The following EMB variants were observed in gnomAD, a reference collection of about 807,000 sequenced individuals.
EMB encodes the protein embigin homolog.
In EMB, 31 loss-of-function variants were observed where a neutral mutation model predicts 41.4. The ratio of observed to expected loss-of-function variants is 0.75; its 90% confidence interval spans 0.56 to 1.01. The LOEUF (loss-of-function observed/expected upper bound fraction) is 1.01. EMB is among the 50% of genes least tolerant of loss of function. The pLI, the probability that EMB is intolerant of heterozygous loss-of-function variation, is 0.00. For missense variants in EMB, 379 were observed against 388.3 expected, an observed-to-expected ratio of 0.98 and a Z score of 0.20; for synonymous variants, 137 against 140.4, an observed-to-expected ratio of 0.98 and a Z score of 0.17.
intron 1 of EMB, among the ~76,000 whole-genome samples, chr5:50,435,353 T>C (rs1221491107): frequency 6.6e-6 from 1 of 152,144 alleles, no homozygotes; most frequent in African/African-American, 2.4e-5. Flanking sequence ...ACACCCCATC[T>C]AAGTTTCAAA....
At chr5:50,402,190 T>C in intron 7 of EMB, 96 bp downstream of exon 7, 1 of 1,305,634 alleles carries the variant, frequency 7.7e-7, no homozygotes, top group South Asian at 1.2e-5. Flanking sequence ...AATACTCCTC[T>C]GCCTTTTCTC....
At chr5:50,413,483 G>A (rs1234201651) in intron 2 of EMB, among the ~76,000 whole-genome samples, 1 of 152,062 alleles carries the variant, frequency 6.6e-6, no homozygotes, top group African/African-American at 2.4e-5. Flanking sequence ...ATGGATTATA[G>A]AAGAACACAT....
chr5:50,428,974 C>T (rs980527747), intron 1 of EMB, among the ~76,000 whole-genome samples: 16 of 152,108 alleles, frequency 1.1e-4, no homozygotes, highest in African/African-American at 3.9e-4. Context: ...CAGATCTCTG[C>T]AACCTCAGCC....
intron 2 of EMB, among the ~76,000 whole-genome samples, chr5:50,415,731 T>A (rs1055172235): frequency 6.6e-6 from 1 of 152,160 alleles, no homozygotes; most frequent in Non-Finnish European, 1.5e-5. Flanking sequence ...CAGACTGTGA[T>A]AACCAACAGA....
chr5:50,428,458 C>A (rs1371703887), intron 1 of EMB: 1 of 1,154,710 alleles, frequency 8.7e-7, no homozygotes, highest in East Asian at 4.2e-5. Flanking sequence ...TACTGACTTA[C>A]ATCAGATGGC....
At chr5:50,422,011 G>T (rs569461471) in intron 2 of EMB, among the ~76,000 whole-genome samples, 166 of 151,978 alleles carry the variant, frequency 1.1e-3, no homozygotes, top group African/African-American at 3.9e-3. Flanking sequence ...AAATCTGCAC[G>T]TTGTGCACAT....
At chr5:50,402,038 T>C (rs1401493690) in intron 7 of EMB, among the ~76,000 whole-genome samples, 1 of 151,906 alleles carries the variant, frequency 6.6e-6, no homozygotes. Context: ...CCTCATATGG[T>C]GAGTACTATT....
chr5:50,422,583 T>C (rs1361072230), intron 2 of EMB, among the ~76,000 whole-genome samples: 1 of 152,126 alleles, frequency 6.6e-6, no homozygotes, highest in African/African-American at 2.4e-5. Flanking sequence ...AACCATAAAA[T>C]TAGTTCCTTC....
At chr5:50,420,798 T>G (rs113957226) in intron 2 of EMB, among the ~76,000 whole-genome samples, 44 of 152,306 alleles carry the variant, frequency 2.9e-4, no homozygotes, top group African/African-American at 9.6e-4. Flanking sequence ...TTTAGACAGA[T>G]AAGGCACTTT....
intron 2 of EMB, among the ~76,000 whole-genome samples, chr5:50,427,211 C>T (rs575234686): frequency 2.1e-4 from 32 of 152,280 alleles, no homozygotes; most frequent in African/African-American, 7.0e-4. Flanking sequence ...TCTGTGTAAG[C>T]CCTGAACTCC....
chr5:50,437,796 C>T (rs1305115489), intron 1 of EMB, among the ~76,000 whole-genome samples: 8 of 152,080 alleles, frequency 5.3e-5, no homozygotes, highest in African/African-American at 1.9e-4. Flanking sequence ...GCAAAAGCCA[C>T]GTCCTCTGGA....
upstream of EMB, chr5:50,443,117 CAA>C (rs1013092616): frequency 6.6e-6 from 1 of 152,122 alleles, no homozygotes; most frequent in Admixed American, 6.5e-5. Flanking sequence ...TCCACTTTTT[CAA>C]ATGCTCCATA....
chr5:50,443,147 A>G (rs1191283749), upstream of EMB: 1 of 152,068 alleles, frequency 6.6e-6, no homozygotes, highest in Non-Finnish European at 1.5e-5. Flanking sequence ...AAACAAGCTT[A>G]TTGACTGCCT....
chr5:50,435,816 A>C (rs547814635), intron 1 of EMB, among the ~76,000 whole-genome samples: 1 of 152,180 alleles, frequency 6.6e-6, no homozygotes, highest in Non-Finnish European at 1.5e-5. Flanking sequence ...GAATCCCCAT[A>C]TTATTAAATG....
chr5:50,416,633 G>A (rs970421268), intron 2 of EMB, among the ~76,000 whole-genome samples: 53 of 152,174 alleles, frequency 3.5e-4, no homozygotes, highest in African/African-American at 1.1e-3. Flanking sequence ...CATATACGAC[G>A]GATTCGATGG....
At chr5:50,438,529 A>T (rs906950972) in intron 1 of EMB, among the ~76,000 whole-genome samples, 1 of 152,234 alleles carries the variant, frequency 6.6e-6, no homozygotes, top group East Asian at 1.9e-4. Flanking sequence ...CTATACATTT[A>T]TAACTATTCT....
rs764530448 is a variant in EMB at position 50,398,391 on chromosome 5, C to T, written c.*882G>A. 4.0e-5 allele frequency: 6 copies of T among 151,826 alleles called. No individual in the cohort carries two copies. The highest frequency in any genetic ancestry group is 5.9e-5 in the Non-Finnish European group (4 of 67,944). 9.4% of individuals were successfully genotyped at this position (151,826 alleles called of 1,614,324 possible). A position where few individuals can be genotyped will look rare whatever the true frequency, so the allele number is the denominator to read the frequency against. ...TTATTATTGTAAAGCACTAATAATG[C>T]AGGTTTAGATATTTAACCAGCCATA... On this transcript the variant is annotated 3_prime_UTR_variant, in exon 9 of 9. Coordinates refer to ENST00000303221, the MANE Select transcript of EMB (RefSeq NM_198449.3).
In EMB at chr5:50,399,032, A is replaced by T. The variant is rs942633845; in HGVS notation, c.*241T>A. 1.1e-4 allele frequency: 43 copies of T among 380,554 alleles called. No homozygotes were observed. The highest frequency in any genetic ancestry group is 1.8e-4 in the Non-Finnish European group (39 of 214,330). 23.6% of individuals were successfully genotyped at this position (380,554 alleles called of 1,614,324 possible). On this transcript the variant is annotated 3_prime_UTR_variant, in exon 9 of 9. Transcript: ENST00000303221. ...TCCTTTGAAGACCAGAATATAATTA[A>T]TTTTATTCTGGTCTAACATATTTAT...
chr5:50,437,675 G>A (rs1745827265), intron 1 of EMB, among the ~76,000 whole-genome samples: 1 of 56,750 alleles, frequency 1.8e-5, no homozygotes, highest in South Asian at 5.3e-4. Flanking sequence ...GACTAACAAT[G>A]TCAGACATAT....
Sources: allele counts gnomAD v4.1 joint callset (sites outside exome capture counted in the v4.1 genomes callset), GRCh38; gene constraint gnomAD v4.1.1; transcripts MANE v1.5; gene names NCBI Gene and HGNC (gene_info 2026-07-23, HGNC 2026-07-21).